The following FARP2 variants were observed in gnomAD, a reference collection of about 807,000 sequenced individuals.
FARP2 encodes FERM, ARH/RhoGEF and pleckstrin domain protein 2.
FARP2 carries 111 observed loss-of-function variants against 130.5 expected under a neutral mutation model. The observed-to-expected ratio is 0.85, with a 90% CI of 0.73 to 1.00. The LOEUF (loss-of-function observed/expected upper bound fraction) is 1.00. FARP2 is among the 50% of genes least tolerant of loss of function. The probability of loss-of-function intolerance (pLI) is 0.00; values close to 1 mark genes in which losing one functional copy is unlikely to be tolerated. For synonymous variants in FARP2, 504 were observed against 516.9 expected (o/e 0.98, Z 0.34); for missense variants, 1,385 against 1,346.3 (o/e 1.03, Z -0.45).
chr2:241,441,158 A>G (rs1224148791), intron 12 of FARP2, 146 bp from the exon 13 acceptor site: 10 of 672,786 alleles, frequency 1.5e-5, no homozygotes, highest in Middle Eastern at 3.7e-4. Flanking sequence ...CAGTTCTACA[A>G]GGGAAAGTCT....
At chr2:241,427,614 C>A (rs535887786) in intron 8 of FARP2, among the ~76,000 whole-genome samples, 3 of 152,072 alleles carry the variant, frequency 2.0e-5, no homozygotes, top group African/African-American at 7.2e-5. Context: ...GGAACCAATC[C>A]CCTACAGATA....
rs28461838 is a variant in FARP2, at chr2:241,394,473, G to A, written c.184-9355G>A. Reference sequence around the variant, plus strand: ...GCGGAGCTTGTAGTGAGCCGAGATCGCGCCACTGCACTCCAGCCTGGGTGA... The same window carrying A: ...GCGGAGCTTGTAGTGAGCCGAGATCACGCCACTGCACTCCAGCCTGGGTGA... On this transcript the variant is annotated intron_variant, in intron 2 of 26. Coordinates refer to ENST00000264042, the MANE Select transcript of FARP2 (RefSeq NM_014808.4). Among the ~76,000 whole-genome samples the A allele has an allele frequency of 8.7e-5, 13 of 149,910 alleles. 1 individual carries two copies. Among genetic ancestry groups the A allele is most frequent in the African/African-American group, 2.7e-4 (11 of 40,774 alleles).
intron 7 of FARP2, among the ~76,000 whole-genome samples, chr2:241,416,523 T>C (rs777076098): frequency 6.6e-6 from 1 of 152,248 alleles, no homozygotes; most frequent in African/African-American, 2.4e-5. Context: ...CATTGTCTTA[T>C]GATTCTGATG....
At chr2:241,447,298 C>T (rs1369562661) in intron 13 of FARP2, 2 of 152,218 alleles carry the variant, frequency 1.3e-5, no homozygotes, top group Non-Finnish European at 2.9e-5. Flanking sequence ...AAACAGGGAA[C>T]AGGCACCATG....
intron 13 of FARP2, among the ~76,000 whole-genome samples, chr2:241,455,530 G>A (rs1435560649): frequency 2.0e-5 from 3 of 151,846 alleles, no homozygotes; most frequent in Non-Finnish European, 4.4e-5. Flanking sequence ...ACAGGCACCC[G>A]CCGCCATGCC....
chr2:241,454,242 C>G (rs1365826537), intron 13 of FARP2, among the ~76,000 whole-genome samples: 2 of 152,082 alleles, frequency 1.3e-5, no homozygotes, highest in African/African-American at 4.8e-5. Flanking sequence ...GATTTTGCAG[C>G]AACTTTTTGG....
intron 8 of FARP2, among the ~76,000 whole-genome samples, chr2:241,422,947 G>A (rs1360981644): frequency 6.6e-6 from 1 of 152,150 alleles, no homozygotes; most frequent in Non-Finnish European, 1.5e-5. Flanking sequence ...GAACCTCCAA[G>A]AAATATGGGA....
intron 1 of FARP2, among the ~76,000 whole-genome samples, chr2:241,358,515 A>G (rs2061115749): frequency 6.6e-6 from 1 of 152,196 alleles, no homozygotes; most frequent in Non-Finnish European, 1.5e-5. Context: ...CCCTGCTTCT[A>G]GTCACATCAA....
At chr2:241,484,181 G>C (rs1169852942) in intron 20 of FARP2, 61 bp from the exon 21 acceptor site, 1 of 1,606,572 alleles carries the variant, frequency 6.2e-7, no homozygotes, top group African/African-American at 1.3e-5. Context: ...AGTCCAAGTT[G>C]GTCTGACTAT....
At chr2:241,405,383 A>G (rs546202257) in intron 4 of FARP2, 1 of 152,268 alleles carries the variant, frequency 6.6e-6, no homozygotes, top group Admixed American at 6.5e-5. Context: ...TCATCTACTT[A>G]TTAAATTTTT....
Position 241,374,714 on chromosome 2 carries a change from T to C in FARP2, c.183+1424T>C, listed in dbSNP as rs77735506. On this transcript the variant is annotated intron_variant, in intron 2 of 26. Coordinates refer to ENST00000264042, the MANE Select transcript of FARP2 (RefSeq NM_014808.4). ...AGAACTCAGGGAACCTGGGTGCTTT[T>C]CTGAAGTGCTTATCTGAGGAGGAAG... is the stretch of plus-strand genomic sequence containing the variant. 5.1e-3 allele frequency among the ~76,000 whole-genome samples: 772 copies of C among 152,294 alleles called. 4 individuals are homozygous for C. The highest frequency in any genetic ancestry group is 0.018 in the African/African-American group (738 of 41,560).
At chr2:241,370,257 A>T (rs141436462) in intron 1 of FARP2, among the ~76,000 whole-genome samples, 2 of 152,348 alleles carry the variant, frequency 1.3e-5, no homozygotes, top group East Asian at 3.9e-4. Flanking sequence ...TGACCATTAC[A>T]CATTGTTTGC....
In FARP2 at chr2:241,403,811, C is replaced by T; in HGVS notation, c.184-17C>T. On this transcript the variant is annotated splice_polypyrimidine_tract_variant and intron_variant, in intron 2 of 26. Transcript: ENST00000264042. ...GTCTTTCAATCCTTGTTATTTTTCC[C>T]ATCTCTCTCTGCACAGCCTAAATGC... 6.5e-7 allele frequency: 1 copy of T among 1,544,768 alleles called. No homozygotes were observed. Among genetic ancestry groups the T allele is most frequent in the Non-Finnish European group, 8.9e-7 (1 of 1,120,774 alleles).
At position 241,468,358 on chromosome 2, in the gene FARP2, T is replaced by C. The variant is rs902614753; in HGVS notation, c.2112T>C (p.His704=). 12 of 1,612,304 alleles carry C rather than the reference T, an allele frequency of 7.4e-6. No homozygotes were observed. The highest frequency in any genetic ancestry group is 1.0e-5 in the Non-Finnish European group (12 of 1,179,430). The change falls in exon 18 of 27, where the codon CAT becomes CAC. Residue 704 remains histidine, a synonymous_variant. Coordinates refer to ENST00000264042, the MANE Select transcript of FARP2 (RefSeq NM_014808.4). Reference sequence around the variant, plus strand: ...GCGGACATTACAGCCCCGGGCACCATGACTACGCTGACTGCCATGGTGAGT... The same window carrying C: ...GCGGACATTACAGCCCCGGGCACCACGACTACGCTGACTGCCATGGTGAGT... The part of the protein sequence containing the change: ...RLCGHYSPGH[H]DYADCHDALK...
chr2:241,460,760 G>C (rs895540757), intron 14 of FARP2, among the ~76,000 whole-genome samples: 1 of 152,232 alleles, frequency 6.6e-6, no homozygotes, highest in Non-Finnish European at 1.5e-5. Flanking sequence ...TGCACCAAGA[G>C]GTGGGGGCTG....
At chr2:241,437,670 A>ATTTATTT (rs1553723709) in intron 12 of FARP2, among the ~76,000 whole-genome samples, 168 of 133,118 alleles carry the variant, frequency 1.3e-3, no homozygotes, top group Middle Eastern at 8.1e-3. Flanking sequence ...TTATTTATTT[A>ATTTATTT]TTTTTTTTTT....
Position 241,431,659 on chromosome 2 carries a change from G to A in FARP2, c.772-20G>A, listed in dbSNP as rs779409997. 2.3e-6 allele frequency: 3 copies of A among 1,291,918 alleles called. No individual in the cohort carries two copies. In the South Asian group the frequency reaches 3.6e-5, roughly 16 times the overall value. The allele number at this position is 1,291,918 out of a possible 1,614,324, so 80.0% of individuals were successfully genotyped here. On this transcript the variant is annotated intron_variant, in intron 8 of 26. Transcript: ENST00000264042. The stretch of plus-strand genomic sequence containing the variant: ...TATGTGCCAGATACAAATGTAATCT[G>A]TCTGTCTCTTGCATTTCAGGGCACC...
intron 13 of FARP2, among the ~76,000 whole-genome samples, chr2:241,447,568 GTTA>G (rs2063540639): frequency 1.3e-5 from 2 of 152,116 alleles, no homozygotes; most frequent in Admixed American, 1.3e-4. Flanking sequence ...TGAAAATGAG[GTTA>G]TTATTGCCTG....
intron 19 of FARP2, chr2:241,478,495 C>T (rs1392318603): frequency 3.2e-6 from 1 of 311,978 alleles, no homozygotes; most frequent in Non-Finnish European, 6.6e-6. Flanking sequence ...TGTGCCAGGA[C>T]CTGAAATACT....
Sources: allele counts gnomAD v4.1 joint callset (sites outside exome capture counted in the v4.1 genomes callset), GRCh38; gene constraint gnomAD v4.1.1; transcripts MANE v1.5; gene names NCBI Gene and HGNC (gene_info 2026-07-23, HGNC 2026-07-21).